BRD4: variants seen among roughly 807,000 people sequenced by gnomAD.
The protein encoded by BRD4 is bromodomain-containing protein 4.
A neutral mutation model predicts 142.1 loss-of-function variants in BRD4; 16 were observed. The observed-to-expected ratio is 0.11, with a 90% CI of 0.08 to 0.17. BRD4 has a LOEUF of 0.17. Among genes scored for constraint, BRD4 ranks in the 10% least tolerant of loss-of-function variants. The pLI, the probability that BRD4 is intolerant of heterozygous loss-of-function variation, is 1.00. For synonymous variants in BRD4, 833 were observed against 707.5 expected, an observed-to-expected ratio of 1.18 and a Z score of -2.82; for missense variants, 1,424 against 1,810.9, an observed-to-expected ratio of 0.79 and a Z score of 3.88.
intron 1 of BRD4, among the ~76,000 whole-genome samples, chr19:15,308,699 A>G (rs1246166854): frequency 6.6e-6 from 1 of 151,296 alleles, no homozygotes; most frequent in East Asian, 2.0e-4. Flanking sequence ...GGGGCAAAAA[A>G]CATAAGCTGA....
chr19:15,261,107 GGA>G (rs1329565579), intron 7 of BRD4, among the ~76,000 whole-genome samples: 17 of 152,226 alleles, frequency 1.1e-4, no homozygotes, highest in Admixed American at 7.2e-4. Context: ...CAAGAGAGTG[GGA>G]GAGAGGGAGC....
rs2047202326 is a variant in BRD4 at position 15,237,468 on chromosome 19, C to T, written c.*909G>A. The T allele has an allele frequency of 4.4e-6, 1 of 225,682 alleles. No homozygotes were observed. Among genetic ancestry groups the T allele is most frequent in the Non-Finnish European group, 8.8e-6 (1 of 113,524 alleles). The allele number at this position is 225,682 out of a possible 1,614,324, so 14.0% of individuals were successfully genotyped here. On this transcript the variant is annotated 3_prime_UTR_variant, in exon 20 of 20. Coordinates refer to ENST00000679869, the MANE Select transcript of BRD4 (RefSeq NM_001379291.1). ...AGATATGCCAACTATGTTCACTATA[C>T]AGTACAGCCACGGTCACACACTACC...
At chr19:15,319,303 A>G (rs571825112) in intron 1 of BRD4, among the ~76,000 whole-genome samples, 121 of 152,170 alleles carry the variant, frequency 8.0e-4, no homozygotes, top group Non-Finnish European at 1.5e-3. Context: ...CATCTCCACA[A>G]AAATACAAAA....
At chr19:15,242,800 A>G in intron 14 of BRD4, 100 bp downstream of exon 14, 1 of 1,517,902 alleles carries the variant, frequency 6.6e-7, no homozygotes, top group Non-Finnish European at 8.9e-7. Context: ...CTCTGAACCC[A>G]CTGCAGCCTG....
intron 1 of BRD4, among the ~76,000 whole-genome samples, chr19:15,286,442 G>C (rs993993524): frequency 3.9e-5 from 6 of 152,184 alleles, no homozygotes; most frequent in Non-Finnish European, 7.3e-5. Context: ...CGGAGGAAGT[G>C]AAACTCCATA....
chr19:15,264,915 G>C, intron 5 of BRD4, 149 bp from the exon 6 acceptor site: 1 of 1,288,154 alleles, frequency 7.8e-7, no homozygotes, highest in South Asian at 1.4e-5. Flanking sequence ...AAAGGGCCAA[G>C]GACAGGCAGA....
At chr19:15,292,197 C>A (rs1046266366) in intron 1 of BRD4, among the ~76,000 whole-genome samples, 1 of 152,134 alleles carries the variant, frequency 6.6e-6, no homozygotes, top group African/African-American at 2.4e-5. Context: ...CTTAATGATC[C>A]CACCCTGGTG....
At chr19:15,261,599 A>C (rs1003402659) in intron 7 of BRD4, among the ~76,000 whole-genome samples, 1 of 152,238 alleles carries the variant, frequency 6.6e-6, no homozygotes, top group Admixed American at 6.5e-5. Flanking sequence ...CACACAGACA[A>C]CACCAAAGTG....
At position 15,292,951 on chromosome 19, in the gene BRD4, C is replaced by CCTA. The variant is rs1255895712; in HGVS notation, c.-34-19821_-34-19819dup. On this transcript the variant is annotated intron_variant, in intron 1 of 19. Transcript: ENST00000679869. ...TGCTCACACTGCTGGTAGTTAATGT[C>CCTA]CTACTCTCTTAACTCCTCTTGGAGT... is the stretch of plus-strand genomic sequence containing the variant. Among the ~76,000 whole-genome samples, 3 of 151,910 alleles carry CCTA rather than the reference C, an allele frequency of 2.0e-5. No individual in the cohort carries two copies. In the South Asian group the frequency reaches 6.2e-4, roughly 32 times the overall value.
chr19:15,267,743 G>A (rs1432633507), intron 3 of BRD4, among the ~76,000 whole-genome samples, 192 bp from the exon 4 acceptor site: 1 of 152,130 alleles, frequency 6.6e-6, no homozygotes, highest in Non-Finnish European at 1.5e-5. Flanking sequence ...GTTCCCACAG[G>A]TGTGCTGAGC....
At chr19:15,270,899 G>C (rs1453870881) in intron 2 of BRD4, among the ~76,000 whole-genome samples, 1 of 152,120 alleles carries the variant, frequency 6.6e-6, no homozygotes, top group Non-Finnish European at 1.5e-5. Context: ...CATCTCTGAA[G>C]ACATCAGATC....
At chr19:15,253,996 A>G (rs2047378459) in intron 11 of BRD4, 156 bp downstream of exon 11, 8 of 725,880 alleles carry the variant, frequency 1.1e-5, no homozygotes, top group Middle Eastern at 3.4e-4. Flanking sequence ...TCATGGCCCC[A>G]GGGAGACAGT....
At chr19:15,243,519 C>CT (rs770941680) in intron 13 of BRD4, 32 bp from the exon 14 acceptor site, 1 of 1,518,252 alleles carries the variant, frequency 6.6e-7, no homozygotes, top group African/African-American at 1.4e-5. Flanking sequence ...GCGGTGAGGC[C>CT]TGAGCACCTG....
chr19:15,281,734 T>G (rs1159284471), intron 1 of BRD4, among the ~76,000 whole-genome samples: 1 of 152,198 alleles, frequency 6.6e-6, no homozygotes, highest in East Asian at 1.9e-4. Context: ...AACTGTTGGG[T>G]TGGCCAGGCA....
At position 15,268,911 on chromosome 19, in the gene BRD4, G is replaced by A. The variant is rs2047559886; in HGVS notation, c.417C>T (p.Tyr139=). The A allele has an allele frequency of 6.2e-7, 1 of 1,614,026 alleles. No individual in the cohort carries two copies. Among genetic ancestry groups the A allele is most frequent in the Admixed American group, 1.7e-5 (1 of 60,000 alleles). The change falls in exon 3 of 20, where the codon TAC becomes TAT. Residue 139 remains tyrosine, a synonymous_variant. Transcript: ENST00000679869. The part of the protein sequence containing the change: ...FNTMFTNCYI[Y]NKPGDDIVLM... The stretch of plus-strand genomic sequence containing the variant: ...ACCCACCCCTACATCTCACCTTGTT[G>A]TAGATGTAACAATTTGTAAACATAG...
At chr19:15,315,896 C>T (rs2145720939) in intron 1 of BRD4, among the ~76,000 whole-genome samples, 1 of 151,928 alleles carries the variant, frequency 6.6e-6, no homozygotes, top group South Asian at 2.1e-4. Flanking sequence ...TGGCTCATGC[C>T]TGTAATCCTA....
chr19:15,240,261 G>C (rs75374044), intron 14 of BRD4, among the ~76,000 whole-genome samples: 2 of 152,178 alleles, frequency 1.3e-5, no homozygotes, highest in African/African-American at 4.8e-5. Context: ...TGCATGTGGG[G>C]CATAACTCAG....
intron 1 of BRD4, among the ~76,000 whole-genome samples, chr19:15,286,778 C>G (rs558210331): frequency 7.9e-5 from 12 of 152,282 alleles, no homozygotes; most frequent in African/African-American, 2.9e-4. Flanking sequence ...CTAAACTGAG[C>G]ATCAGCTTTG....
Position 15,244,367 on chromosome 19 carries a change from G to A in BRD4, c.2445C>T (p.Ser815=), listed in dbSNP as rs558389129. ...VPVLEPQLPG[S]VFDPIGHFTQ... is the part of the protein sequence containing the mutation. Reference sequence around the variant, plus strand: ...TGAAGTGGCCGATGGGGTCAAAGACGCTGCCTGGGAGCTGGGGCTCCAGGA... The same window carrying A: ...TGAAGTGGCCGATGGGGTCAAAGACACTGCCTGGGAGCTGGGGCTCCAGGA... Residue 815 remains serine (S), a synonymous_variant, in exon 13 of 20, where the codon AGC becomes AGT. Coordinates refer to ENST00000679869, the MANE Select transcript of BRD4 (RefSeq NM_001379291.1). 1.7e-5 allele frequency: 28 copies of A among 1,605,314 alleles called. No individual in the cohort carries two copies. Among genetic ancestry groups the A allele is most frequent in the Middle Eastern group, 1.8e-4 (1 of 5,614 alleles).
Sources: gnomAD v4.1 joint callset for allele counts (sites outside exome capture counted in the v4.1 genomes callset) on GRCh38, gnomAD v4.1.1 for gene constraint, MANE v1.5 for transcripts, NCBI Gene and HGNC (gene_info 2026-07-23, HGNC 2026-07-21) for gene names.